GPHN: variants seen among roughly 807,000 people sequenced by gnomAD.
GPHN encodes gephyrin.
In GPHN, 17 loss-of-function variants were observed where a neutral mutation model predicts 95.5. The observed-to-expected ratio is 0.18, with a 90% CI of 0.12 to 0.27. The LOEUF (loss-of-function observed/expected upper bound fraction) is 0.27, where lower values mean the gene tolerates loss of function less well. Ranked by LOEUF, GPHN falls within the 10% of genes least tolerant of loss-of-function variation. The pLI is 1.00. For missense variants in GPHN, 660 were observed against 978.1 expected (o/e 0.67, Z 4.34); for synonymous variants, 320 against 322.5 (o/e 0.99, Z 0.08).
chr14:66,668,223 G>A (rs2066084526), intron 1 of GPHN, among the ~76,000 whole-genome samples: 1 of 152,180 alleles, frequency 6.6e-6, no homozygotes, highest in African/African-American at 2.4e-5. Context: ...AGACAGTGTG[G>A]CAATTCCTCA....
At chr14:67,564,729 C>T in the GPHN span, among the ~76,000 whole-genome samples, 1 of 150,262 alleles carries the variant, frequency 6.7e-6, no homozygotes, top group Non-Finnish European at 1.5e-5. Flanking sequence ...CTCAGTCTTG[C>T]CCAGGCTGGA....
chr14:66,628,526 T>C (rs2063606698), intron 1 of GPHN, among the ~76,000 whole-genome samples: 1 of 152,112 alleles, frequency 6.6e-6, no homozygotes, highest in Non-Finnish European at 1.5e-5. Flanking sequence ...TGAATGGAGC[T>C]TGCAGGACTG....
the GPHN span, chr14:67,338,565 T>C: frequency 1.3e-6 from 2 of 1,572,620 alleles, no homozygotes; most frequent in South Asian, 2.4e-5. Context: ...ACCTACACAC[T>C]GTGAATTAAA....
Position 67,110,185 on chromosome 14 carries a change from G to T in GPHN, c.1339G>T (p.Gly447Cys), listed in dbSNP as rs762303081. The T allele has an allele frequency of 1.4e-5, 22 of 1,612,388 alleles. No individual in the cohort carries two copies. The highest frequency in any genetic ancestry group is 1.9e-5 in the Non-Finnish European group (22 of 1,178,480). ...MPGQVMRVTT[G>C]APIPCGADAV... ...AGGACAAGTCATGCGGGTTACAACA[G>T]GTGCTCCAATACCCTGCGGTGCTGA... The change falls in exon 14 of 23, where the codon GGT becomes TGT. Residue 447 changes from glycine (G) to cysteine (C), a missense_variant. Around this residue, in one of 6 missense-constraint regions of GPHN, gnomAD observed 257 missense variants for 376.2 expected, o/e 0.68. Coordinates refer to ENST00000478722, the MANE Select transcript of GPHN (RefSeq NM_020806.5).
chr14:67,407,555 C>G, the GPHN span, among the ~76,000 whole-genome samples: 8 of 152,028 alleles, frequency 5.3e-5, no homozygotes, highest in Non-Finnish European at 1.0e-4. Flanking sequence ...ATTCTCCCAT[C>G]TCAGCCTCCC....
chr14:66,962,983 C>T (rs1255684393), intron 8 of GPHN, among the ~76,000 whole-genome samples: 1 of 151,840 alleles, frequency 6.6e-6, no homozygotes. Context: ...CCCCATACAT[C>T]CTTATCTTAG....
chr14:67,301,845 T>C, the GPHN span: 93 of 1,060,846 alleles, frequency 8.8e-5, no homozygotes, highest in Non-Finnish European at 9.0e-5. Flanking sequence ...ATCTTTATTA[T>C]TAGCTCTAAT....
the GPHN span, chr14:67,690,317 A>G: frequency 1.2e-6 from 2 of 1,614,170 alleles, no homozygotes; most frequent in Non-Finnish European, 1.7e-6. Flanking sequence ...AGGTTATGGA[A>G]GTGGATCCTT....
chr14:67,499,768 G>C, the GPHN span, among the ~76,000 whole-genome samples: 1 of 152,056 alleles, frequency 6.6e-6, no homozygotes, highest in Non-Finnish European at 1.5e-5. Context: ...GAGAAGGGCT[G>C]GTTATTTAAT....
intron 5 of GPHN, among the ~76,000 whole-genome samples, chr14:66,911,184 G>A (rs1185787559): frequency 1.3e-5 from 2 of 151,946 alleles, no homozygotes; most frequent in African/African-American, 4.8e-5. Context: ...CATATTATAT[G>A]TTTCCCTTTA....
intron 4 of GPHN, among the ~76,000 whole-genome samples, chr14:66,829,619 A>G (rs1048650752): frequency 1.9e-4 from 29 of 152,212 alleles, no homozygotes; most frequent in African/African-American, 6.8e-4. Flanking sequence ...TAAATATTTA[A>G]AAGACACAAA....
intron 4 of GPHN, among the ~76,000 whole-genome samples, chr14:66,839,921 G>A (rs2062007055): frequency 6.6e-6 from 1 of 152,132 alleles, no homozygotes; most frequent in Admixed American, 6.6e-5. Flanking sequence ...GGGGTAGATA[G>A]ATGAATGAAT....
the GPHN span, chr14:67,586,640 G>A: frequency 2.3e-6 from 1 of 439,920 alleles, no homozygotes; most frequent in South Asian, 2.0e-5. Context: ...CAAAGGCTAA[G>A]TTCTGATTTA....
intron 2 of GPHN, among the ~76,000 whole-genome samples, chr14:66,701,426 C>A (rs886196398): frequency 7.9e-5 from 12 of 152,100 alleles, no homozygotes; most frequent in Non-Finnish European, 1.2e-4. Flanking sequence ...TCAAAAAGAA[C>A]CATAATAAGT....
intron 1 of GPHN, among the ~76,000 whole-genome samples, chr14:66,544,376 A>G (rs1052957098): frequency 6.6e-6 from 1 of 152,142 alleles, no homozygotes; most frequent in Admixed American, 6.5e-5. Flanking sequence ...ATTGCTGTTT[A>G]AGGTAATTCT....
chr14:67,454,664 C>A, the GPHN span: 1 of 152,084 alleles, frequency 6.6e-6, no homozygotes, highest in South Asian at 2.1e-4. Context: ...AAGGAGCTCA[C>A]GAATGGAGAG....
chr14:66,659,961 G>T (rs1264398295), intron 1 of GPHN, among the ~76,000 whole-genome samples: 1 of 151,878 alleles, frequency 6.6e-6, no homozygotes, highest in Admixed American at 6.5e-5. Context: ...CTTGTATTTT[G>T]TTTGTTCTCA....
At chr14:66,623,911 C>A (rs1342072995) in intron 1 of GPHN, among the ~76,000 whole-genome samples, 1 of 152,138 alleles carries the variant, frequency 6.6e-6, no homozygotes, top group Non-Finnish European at 1.5e-5. Flanking sequence ...AATATTTCAC[C>A]TCCTTGAGCG....
chr14:66,534,961 A>G (rs949347780), intron 1 of GPHN, among the ~76,000 whole-genome samples: 4 of 152,140 alleles, frequency 2.6e-5, no homozygotes, highest in African/African-American at 4.8e-5. Context: ...ATTATAATAA[A>G]TAAAAGTTTT....
Sources: gnomAD v4.1 joint callset for allele counts (sites outside exome capture counted in the v4.1 genomes callset) on GRCh38, gnomAD v4.1.1 for gene constraint, gnomAD v4.1.1 regional missense constraint, MANE v1.5 for transcripts, NCBI Gene and HGNC (gene_info 2026-07-23, HGNC 2026-07-21) for gene names.